The following ZNF107 variants were observed in gnomAD, a reference collection of about 807,000 sequenced individuals.
ZNF107 encodes C2H2 type zinc-finger protein.
Under a neutral mutation model 12.3 loss-of-function variants are expected in ZNF107, and 19 were observed. The observed-to-expected ratio is 1.55, with a 90% CI of 1.08 to 2.27. The LOEUF is 2.27. ZNF107 is among the 30% of genes most tolerant of loss of function. The pLI, the probability that ZNF107 is intolerant of heterozygous loss-of-function variation, is 0.00. For synonymous variants in ZNF107, 317 were observed against 330.5 expected, an observed-to-expected ratio of 0.96 and a Z score of 0.44; for missense variants, 958 against 979.9, an observed-to-expected ratio of 0.98 and a Z score of 0.30.
At chr7:64,704,069 C>T (rs1790561220) in intron 3 of ZNF107, among the ~76,000 whole-genome samples, 1 of 151,546 alleles carries the variant, frequency 6.6e-6, no homozygotes, top group Non-Finnish European at 1.5e-5. Flanking sequence ...TACGTCTGCC[C>T]TCAACTTTGT....
Position 64,700,786 on chromosome 7 carries a change from C to T in ZNF107, c.227-5538C>T, listed in dbSNP as rs374632674. Among the ~76,000 whole-genome samples, 308 of 151,894 alleles carry T rather than the reference C, an allele frequency of 2.0e-3. 3 individuals are homozygous for T. Among genetic ancestry groups the T allele is most frequent in the African/African-American group, 6.5e-3 (269 of 41,426 alleles). On this transcript the variant is annotated intron_variant, in intron 3 of 3. Transcript: ENST00000620827. ...AACTCCTGACCTCAGGTGATCCACC[C>T]GCCTTTGCCTCCCAAAGTGTTGGGA... is the stretch of plus-strand genomic sequence containing the variant.
At chr7:64,680,429 C>T (rs34676383) in intron 1 of ZNF107, among the ~76,000 whole-genome samples, 51,111 of 152,046 alleles carry the variant, frequency 0.34, 9,110 homozygotes, top group Non-Finnish European at 0.38. Context: ...TGACCACTGG[C>T]GCCTTGAGCC....
Position 64,691,903 on chromosome 7 carries a change from G to A in ZNF107, c.169G>A (p.Glu57Lys), listed in dbSNP as rs368806715. 4 of 1,522,144 alleles carry A rather than the reference G, an allele frequency of 2.6e-6. No individual in the cohort carries two copies. Among genetic ancestry groups the A allele is most frequent in the Non-Finnish European group, 3.5e-6 (4 of 1,141,226 alleles). 94.3% of individuals were successfully genotyped at this position (1,522,144 alleles called of 1,614,324 possible). A position where few individuals can be genotyped will look rare whatever the true frequency, so the allele number is the denominator to read the frequency against. ...TAAGCCATATCTGATCACCTGTCTGGAGCAAAAAAAAGAGCCCTGGAATAT... is the reference window on the plus strand; with the variant it reads ...TAAGCCATATCTGATCACCTGTCTGAAGCAAAAAAAAGAGCCCTGGAATAT... ...VSKPYLITCL[E>K]QKKEPWNIKR... Residue 57 changes from glutamate (E) to lysine (K), a missense_variant, in exon 3 of 4, where the codon GAG (glutamate) becomes AAG (lysine). Physicochemically the swap from Glu to Lys is moderately conservative, Grantham distance 56. Transcript: ENST00000620827.
chr7:64,691,379 G>A lies in ZNF107; in HGVS notation c.130+5G>A. 1 of 1,459,606 alleles carries A rather than the reference G, an allele frequency of 6.9e-7. No individual in the cohort carries two copies. 90.4% of individuals were successfully genotyped at this position (1,459,606 alleles called of 1,614,324 possible). A position where few individuals can be genotyped will look rare whatever the true frequency, so the allele number is the denominator to read the frequency against. ...ACAGAAACCTGGTCTTTTTGGGTGA[G>A]GATAACTTCAATACACAATTCCCAA... On this transcript the variant is annotated splice_donor_5th_base_variant and intron_variant, in intron 2 of 3. Coordinates refer to ENST00000620827, the MANE Select transcript of ZNF107 (RefSeq NM_001282359.2).
intron 1 of ZNF107, chr7:64,686,611 G>A (rs946825290): frequency 2.1e-4 from 205 of 985,370 alleles, no homozygotes; most frequent in Non-Finnish European, 2.4e-4. Context: ...CATTATTGAC[G>A]GTGGGCCATT....
intron 3 of ZNF107, among the ~76,000 whole-genome samples, chr7:64,697,067 G>A (rs1407490961): frequency 6.6e-6 from 1 of 151,864 alleles, no homozygotes; most frequent in Non-Finnish European, 1.5e-5. Flanking sequence ...AACATGCAGT[G>A]TTTGGTTTTT....
rs777602324 is a variant in ZNF107, at chr7:64,706,480, G to A, written c.383G>A (p.Gly128Glu). 2 of 1,613,310 alleles carry A rather than the reference G, an allele frequency of 1.2e-6. No homozygotes were observed. The highest frequency in any genetic ancestry group is 1.3e-5 in the African/African-American group (1 of 74,880). The change falls in exon 4 of 4, where the codon GGA becomes GAA. Residue 128 changes from glycine to glutamate, a missense_variant. Physicochemically the swap from Gly to Glu is moderately conservative, Grantham distance 98. Coordinates refer to ENST00000620827, the MANE Select transcript of ZNF107 (RefSeq NM_001282359.2). ...KHVDECTGHK[G>E]GHNTVNQCLT... ...GTGGATGAGTGTACGGGGCACAAAG[G>A]AGGTCATAATACAGTTAACCAATGT...
At chr7:64,666,776 A>G (rs1789022302) in intron 1 of ZNF107, among the ~76,000 whole-genome samples, 2 of 152,244 alleles carry the variant, frequency 1.3e-5, no homozygotes, top group Non-Finnish European at 2.9e-5. Flanking sequence ...TTGAAGAATT[A>G]TAGAGCACCC....
chr7:64,704,147 T>TTTTA (rs10681211), intron 3 of ZNF107, among the ~76,000 whole-genome samples: 139,206 of 152,050 alleles, frequency 0.92, 63,778 homozygotes, highest in East Asian at 0.94. Context: ...ATTCCTGTGC[T>TTTTA]TTTTTTACAT....
chr7:64,685,210 G>C (rs1384353450), intron 1 of ZNF107, among the ~76,000 whole-genome samples: 4 of 152,142 alleles, frequency 2.6e-5, no homozygotes, highest in Non-Finnish European at 4.4e-5. Context: ...TACAAACGCT[G>C]TCTTAACTTT....
In ZNF107 at chr7:64,707,125, G is replaced by T. The variant is rs761689637; in HGVS notation, c.1028G>T (p.Cys343Phe). 1 of 1,613,394 alleles carries T rather than the reference G, an allele frequency of 6.2e-7. No homozygotes were observed. Among genetic ancestry groups the T allele is most frequent in the Non-Finnish European group, 8.5e-7 (1 of 1,179,752 alleles). The change falls in exon 4 of 4, where the codon TGT becomes TTT. Residue 343 changes from cysteine (C) to phenylalanine (F), a missense_variant. Physicochemically the swap from Cys to Phe is radical, Grantham distance 205 (BLOSUM62 -2). Coordinates refer to ENST00000620827, the MANE Select transcript of ZNF107 (RefSeq NM_001282359.2). ...CATGCTGGGGAGAAACCCTACAAAT[G>T]TAAAGAATGTGGCAGAGCTTTTAAC... ...RIHAGEKPYK[C>F]KECGRAFNIS...
intron 1 of ZNF107, chr7:64,687,624 T>G (rs1035560915): frequency 6.3e-6 from 6 of 950,858 alleles, no homozygotes; most frequent in East Asian, 2.3e-4. Flanking sequence ...TGTCATTGAT[T>G]ATAACCAATT....
intron 1 of ZNF107, chr7:64,679,142 A>T: frequency 3.0e-6 from 3 of 983,796 alleles, no homozygotes; most frequent in Non-Finnish European, 3.6e-6. Flanking sequence ...GTGCGAGCTC[A>T]CACGAAGCCT....
intron 1 of ZNF107, among the ~76,000 whole-genome samples, chr7:64,677,474 A>AT (rs35097425): frequency 6.4e-4 from 94 of 148,006 alleles, no homozygotes; most frequent in Admixed American, 4.6e-3. Context: ...ACCTCGCCGG[A>AT]TTTTTTTTTT....
intron 3 of ZNF107, among the ~76,000 whole-genome samples, chr7:64,702,159 T>TA (rs1257128181): frequency 1.3e-5 from 2 of 152,018 alleles, no homozygotes; most frequent in African/African-American, 4.8e-5. Context: ...AGTTTTATTT[T>TA]TTTTTTTGAG....
At chr7:64,686,734 A>T in intron 1 of ZNF107, 1 of 887,908 alleles carries the variant, frequency 1.1e-6, no homozygotes, top group Non-Finnish European at 1.3e-6. Flanking sequence ...TGGTTGATCA[A>T]CTTCTTGAGT....
intron 1 of ZNF107, among the ~76,000 whole-genome samples, chr7:64,666,562 C>T (rs371957222): frequency 1.3e-5 from 2 of 152,194 alleles, no homozygotes; most frequent in African/African-American, 4.8e-5. Flanking sequence ...GAGCCCTCTC[C>T]GGGCGGCTTT....
chr7:64,709,069 C>T lies in ZNF107; in HGVS notation c.*413C>T, dbSNP rs1337732778. The T allele has an allele frequency of 4.3e-6, 2 of 460,676 alleles. No homozygotes were observed. The highest frequency in any genetic ancestry group is 2.6e-5 in the Admixed American group (1 of 37,856). The allele number at this position is 460,676 out of a possible 1,614,324, so 28.5% of individuals were successfully genotyped here. On this transcript the variant is annotated 3_prime_UTR_variant, in exon 4 of 4. Coordinates refer to ENST00000620827, the MANE Select transcript of ZNF107 (RefSeq NM_001282359.2). ...TATAGTTGTGAAGAATGTGGCAAAGCTTTTAACCAATCCTCATACCTTACT... is the reference window on the plus strand; with the variant it reads ...TATAGTTGTGAAGAATGTGGCAAAGTTTTTAACCAATCCTCATACCTTACT...
At chr7:64,687,925 A>G (rs555404054) in intron 1 of ZNF107, among the ~76,000 whole-genome samples, 56 of 152,336 alleles carry the variant, frequency 3.7e-4, no homozygotes, top group African/African-American at 1.2e-3. Flanking sequence ...ATAAACATAT[A>G]AGGTGCCAAC....
Sources: allele counts gnomAD v4.1 joint callset (sites outside exome capture counted in the v4.1 genomes callset), GRCh38; gene constraint gnomAD v4.1.1; transcripts MANE v1.5; gene names NCBI Gene and HGNC (gene_info 2026-07-23, HGNC 2026-07-21).